DMD: variants seen among roughly 807,000 people sequenced by gnomAD.
DMD encodes the protein mutant dystrophin.
A neutral mutation model predicts 330.1 loss-of-function variants in DMD; 63 were observed. That is an observed-to-expected ratio of 0.19 (90% CI 0.16 to 0.24). DMD has a LOEUF of 0.24. Ranked by LOEUF, DMD falls within the 10% of genes least tolerant of loss-of-function variation. The probability of loss-of-function intolerance (pLI) is 1.00; values close to 1 mark genes in which losing one functional copy is unlikely to be tolerated. For synonymous variants in DMD, 1,223 were observed against 959.8 expected, an observed-to-expected ratio of 1.27 and a Z score of -5.07; for missense variants, 3,344 against 2,684.1, an observed-to-expected ratio of 1.25 and a Z score of -5.43.
At chrX:32,496,633 T>A (rs967584307) in intron 19 of DMD, among the ~76,000 whole-genome samples, 2 of 111,765 alleles carry the variant, frequency 1.8e-5, no homozygotes, top group East Asian at 5.6e-4. Flanking sequence ...AACAGTCTCT[T>A]TCTTTCACAC....
chrX:31,388,889 G>A (rs1339031722), intron 60 of DMD, among the ~76,000 whole-genome samples: 1 of 112,292 alleles, frequency 8.9e-6, no homozygotes, highest in African/African-American at 3.2e-5. Flanking sequence ...GTGACAGAGT[G>A]AGACTCCGTC....
chrX:32,257,697 C>G (rs894482781), intron 43 of DMD, among the ~76,000 whole-genome samples: 1 of 111,449 alleles, frequency 9.0e-6, no homozygotes. Flanking sequence ...AACCTAAAAC[C>G]GAAAACCATC....
intron 16 of DMD, 35 bp from the exon 17 acceptor site, chrX:32,545,369 C>G: frequency 8.5e-7 from 1 of 1,175,356 alleles, no homozygotes. Context: ...TCAGACATTG[C>G]TAGAAAGACT....
intron 4 of DMD, among the ~76,000 whole-genome samples, chrX:32,842,095 G>C (rs1353775088): frequency 1.8e-5 from 2 of 112,029 alleles, no homozygotes; most frequent in Admixed American, 9.5e-5. Flanking sequence ...GGATTTTTCT[G>C]GTTCCCTTGG....
intron 44 of DMD, among the ~76,000 whole-genome samples, chrX:32,183,767 A>G (rs749334130): frequency 1.0e-4 from 11 of 109,532 alleles, no homozygotes; most frequent in African/African-American, 3.6e-4. Flanking sequence ...CCAAACTACA[A>G]CTACAAATGT....
intron 63 of DMD, among the ~76,000 whole-genome samples, chrX:31,229,684 C>T (rs1247937035): frequency 8.9e-6 from 1 of 111,810 alleles, no homozygotes; most frequent in Non-Finnish European, 1.9e-5. Flanking sequence ...GCATACAATA[C>T]GCATTGAACT....
intron 15 of DMD, among the ~76,000 whole-genome samples, chrX:32,568,455 C>T (rs1273643425): frequency 2.8e-5 from 3 of 106,189 alleles, no homozygotes; most frequent in Non-Finnish European, 3.9e-5. Flanking sequence ...TGCCCTGAGC[C>T]GAGATCACAC....
intron 44 of DMD, among the ~76,000 whole-genome samples, chrX:32,073,211 T>C (rs183686618): frequency 8.9e-6 from 1 of 112,118 alleles, no homozygotes; most frequent in East Asian, 2.8e-4. Flanking sequence ...GTAGATTGTT[T>C]CCTCCTCTAA....
At chrX:32,450,298 A>T (rs1178712006) in intron 26 of DMD, among the ~76,000 whole-genome samples, 1 of 111,268 alleles carries the variant, frequency 9.0e-6, no homozygotes, top group Admixed American at 9.5e-5. Flanking sequence ...CTTTGGATTT[A>T]GTCCCACAAT....
intron 60 of DMD, among the ~76,000 whole-genome samples, chrX:31,384,709 A>C (rs2148748421): frequency 9.0e-6 from 1 of 111,560 alleles, no homozygotes; most frequent in South Asian, 3.8e-4. Flanking sequence ...TGATGTGGAA[A>C]GCTCTGCTCT....
At chrX:31,786,594 T>A (rs951835122) in intron 50 of DMD, among the ~76,000 whole-genome samples, 1 of 111,704 alleles carries the variant, frequency 9.0e-6, no homozygotes, top group Non-Finnish European at 1.9e-5. Context: ...GATACTGTAA[T>A]GCTTCATCAA....
intron 7 of DMD, among the ~76,000 whole-genome samples, chrX:32,770,415 T>C (rs1477071934): frequency 8.9e-6 from 1 of 111,884 alleles, no homozygotes; most frequent in Non-Finnish European, 1.9e-5. Context: ...TAATACAATA[T>C]ACATTAATAC....
intron 48 of DMD, among the ~76,000 whole-genome samples, chrX:31,863,781 G>A (rs1394957129): frequency 9.0e-6 from 1 of 111,209 alleles, no homozygotes; most frequent in Non-Finnish European, 1.9e-5. Flanking sequence ...TTTAAAAATT[G>A]AATTTAAGTC....
At chrX:31,687,678 C>T (rs2082778153) in intron 52 of DMD, among the ~76,000 whole-genome samples, 1 of 112,314 alleles carries the variant, frequency 8.9e-6, no homozygotes, top group Middle Eastern at 4.6e-3. Context: ...AGGTTTTTGA[C>T]TCCAATGACT....
At chrX:32,722,585 C>G (rs1442819182) in intron 7 of DMD, among the ~76,000 whole-genome samples, 2 of 110,822 alleles carry the variant, frequency 1.8e-5, no homozygotes, top group Non-Finnish European at 3.8e-5. Context: ...TTCCAGTCTA[C>G]AAACATGGGA....
At chrX:33,009,712 G>A (rs2093597353) in intron 2 of DMD, among the ~76,000 whole-genome samples, 1 of 64,417 alleles carries the variant, frequency 1.6e-5, no homozygotes, top group African/African-American at 5.8e-5. Context: ...ATACGTATAT[G>A]TGTATATGTG....
intron 55 of DMD, among the ~76,000 whole-genome samples, chrX:31,530,466 G>C (rs1447510902): frequency 9.0e-6 from 1 of 110,740 alleles, no homozygotes; most frequent in Non-Finnish European, 1.9e-5. Context: ...CTTCCAGCTT[G>C]ATAGCTGGTA....
At chrX:32,552,222 C>A (rs1036020797) in intron 16 of DMD, among the ~76,000 whole-genome samples, 1 of 111,736 alleles carries the variant, frequency 8.9e-6, no homozygotes, top group African/African-American at 3.3e-5. Context: ...TGACTGCAAA[C>A]TATACTACAA....
chrX:33,237,698 A>G (rs1321700649), intron 1 of DMD, among the ~76,000 whole-genome samples: 1 of 112,227 alleles, frequency 8.9e-6, no homozygotes, highest in African/African-American at 3.2e-5. Context: ...TATTAAAAAT[A>G]TAGAAAACCT....
Sources: allele counts gnomAD v4.1 joint callset (sites outside exome capture counted in the v4.1 genomes callset), GRCh38; gene constraint gnomAD v4.1.1; transcripts MANE v1.5; gene names NCBI Gene and HGNC (gene_info 2026-07-23, HGNC 2026-07-21).